Variants in TNIP3 observed in about 807,000 individuals in gnomAD.
TNIP3 encodes TNFAIP3-interacting protein 3.
Under a neutral mutation model 54.1 loss-of-function variants are expected in TNIP3, and 34 were observed. That is an observed-to-expected ratio of 0.63 (90% CI 0.48 to 0.84). The LOEUF (loss-of-function observed/expected upper bound fraction) is 0.84. TNIP3 is among the 40% of genes least tolerant of loss of function. TNIP3 has a pLI of 0.00. For missense variants in TNIP3, 366 were observed against 387.6 expected (o/e 0.94, Z 0.47); for synonymous variants, 134 against 136.8 (o/e 0.98, Z 0.14).
chr4:121,140,734 G>A (rs537152998), intron 9 of TNIP3, among the ~76,000 whole-genome samples: 17 of 152,144 alleles, frequency 1.1e-4, no homozygotes, highest in South Asian at 4.2e-4. Context: ...AATGTTATTG[G>A]TAAAGACTGA....
chr4:121,158,853 C>A, intron 2 of TNIP3, 101 bp from the exon 3 acceptor site: 2 of 895,242 alleles, frequency 2.2e-6, no homozygotes, highest in Non-Finnish European at 3.6e-6. Context: ...GTTTTAGAAG[C>A]CATGGATGAA....
chr4:121,216,686 C>T, upstream of TNIP3: 1 of 1,359,180 alleles, frequency 7.4e-7, no homozygotes, highest in Non-Finnish European at 9.6e-7. Context: ...TGCCTTCTGC[C>T]TAGTTTCAAT....
At chr4:121,150,351 G>T in intron 5 of TNIP3, 132 bp from the exon 6 acceptor site, 1 of 473,946 alleles carries the variant, frequency 2.1e-6, no homozygotes, top group African/African-American at 2.0e-5. Flanking sequence ...ACATAACCAA[G>T]TAACTTTCTT....
intron 2 of TNIP3, chr4:121,182,946 T>C: frequency 1.3e-6 from 1 of 761,698 alleles, no homozygotes; most frequent in Non-Finnish European, 2.0e-6. Flanking sequence ...ATGTTTTCAT[T>C]AGTCCATGCC....
intron 2 of TNIP3, among the ~76,000 whole-genome samples, chr4:121,192,130 G>A (rs140112799): frequency 0.013 from 1,995 of 152,222 alleles, 21 homozygotes; most frequent in Non-Finnish European, 0.02. Flanking sequence ...TACAAGTCTT[G>A]ATTCTACCTC....
At chr4:121,171,881 C>A (rs1206673223) in intron 3 of TNIP3, among the ~76,000 whole-genome samples, 1 of 152,140 alleles carries the variant, frequency 6.6e-6, no homozygotes, top group African/African-American at 2.4e-5. Flanking sequence ...CAGGCATGAA[C>A]CACCACGCCT....
intron 6 of TNIP3, among the ~76,000 whole-genome samples, chr4:121,148,226 C>T (rs1043078087): frequency 2.0e-5 from 3 of 152,140 alleles, no homozygotes. Context: ...CATTTAAACC[C>T]TTTAGTGTTT....
chr4:121,139,909 T>C (rs556295247), intron 9 of TNIP3, among the ~76,000 whole-genome samples: 1 of 152,376 alleles, frequency 6.6e-6, no homozygotes, highest in Non-Finnish European at 1.5e-5. Context: ...ACCAACACTA[T>C]AGCATGTGAC....
chr4:121,225,898 A>G (rs1288913903), intron 1 of TNIP3, among the ~76,000 whole-genome samples: 5 of 152,092 alleles, frequency 3.3e-5, no homozygotes, highest in African/African-American at 4.8e-5. Context: ...TTTGACAGCT[A>G]TGTGCTTTAG....
intron 2 of TNIP3, among the ~76,000 whole-genome samples, chr4:121,159,612 T>C (rs543083218): frequency 6.6e-6 from 1 of 152,380 alleles, no homozygotes; most frequent in South Asian, 2.1e-4. Flanking sequence ...GATTAACACA[T>C]GATTTATAAT....
At chr4:121,186,223 G>A (rs1381525403) in intron 2 of TNIP3, among the ~76,000 whole-genome samples, 3 of 152,218 alleles carry the variant, frequency 2.0e-5, no homozygotes, top group Non-Finnish European at 2.9e-5. Flanking sequence ...GTGGTGACCA[G>A]ACGTGGGGGG....
At chr4:121,219,142 G>A (rs1416060739), upstream of TNIP3, among the ~76,000 whole-genome samples, 2 of 151,784 alleles carry the variant, frequency 1.3e-5, no homozygotes, top group African/African-American at 2.4e-5. Context: ...GGAGGTTGCA[G>A]TGAGCCGAGA....
At chr4:121,205,532 G>C (rs1238580222) in intron 2 of TNIP3, among the ~76,000 whole-genome samples, 2 of 152,156 alleles carry the variant, frequency 1.3e-5, no homozygotes, top group Non-Finnish European at 2.9e-5. Context: ...ACTCTCGTTG[G>C]TGGGTTTAGA....
intron 5 of TNIP3, among the ~76,000 whole-genome samples, chr4:121,150,471 CCCT>C (rs1421606160): frequency 6.6e-5 from 10 of 151,940 alleles, no homozygotes; most frequent in Admixed American, 6.5e-4. Flanking sequence ...TGATATTGGA[CCCT>C]CCTCCTCCAC....
chr4:121,220,543 T>G (rs1726986263), upstream of TNIP3, among the ~76,000 whole-genome samples: 1 of 152,218 alleles, frequency 6.6e-6, no homozygotes, highest in Non-Finnish European at 1.5e-5. Flanking sequence ...TAACTTAACC[T>G]TTACTAGATG....
At chr4:121,215,900 T>G (rs1250089169) in intron 2 of TNIP3, among the ~76,000 whole-genome samples, 8 of 144,406 alleles carry the variant, frequency 5.5e-5, no homozygotes, top group African/African-American at 1.5e-4. Context: ...AAAAAAGAAA[T>G]AACTGAACCA....
intron 2 of TNIP3, among the ~76,000 whole-genome samples, chr4:121,185,893 A>G (rs1364627042): frequency 6.6e-6 from 1 of 152,242 alleles, no homozygotes; most frequent in Non-Finnish European, 1.5e-5. Context: ...TTTCACAGAA[A>G]TAATCACATG....
intron 7 of TNIP3, 49 bp downstream of exon 7, chr4:121,147,000 A>C (rs949922720): frequency 6.4e-7 from 1 of 1,552,560 alleles, no homozygotes; most frequent in Non-Finnish European, 8.7e-7. Flanking sequence ...TTTTAAATGA[A>C]AAAAATATAC....
chr4:121,160,628 C>T (rs1275859080), intron 2 of TNIP3, among the ~76,000 whole-genome samples: 1 of 152,066 alleles, frequency 6.6e-6, no homozygotes, highest in Non-Finnish European at 1.5e-5. Flanking sequence ...CCATTAATTC[C>T]CAGGAACATT....
Sources: gnomAD v4.1 joint callset for allele counts (sites outside exome capture counted in the v4.1 genomes callset) on GRCh38, gnomAD v4.1.1 for gene constraint, MANE v1.5 for transcripts, NCBI Gene and HGNC (gene_info 2026-07-23, HGNC 2026-07-21) for gene names.